Variants in DNAH12 observed in about 807,000 individuals in gnomAD.
The protein encoded by DNAH12 is dynein axonemal heavy chain 12, also known as axonemal beta dynein heavy chain 12.
DNAH12 carries 285 observed loss-of-function variants against 371.5 expected under a neutral mutation model. That is an observed-to-expected ratio of 0.77 (90% CI 0.70 to 0.85). DNAH12 has a LOEUF of 0.85. Ranked by LOEUF, DNAH12 falls within the 40% of genes least tolerant of loss-of-function variation. DNAH12 has a pLI of 0.00. For missense variants in DNAH12, 3,611 were observed against 3,689.4 expected, an observed-to-expected ratio of 0.98 and a Z score of 0.55; for synonymous variants, 1,200 against 1,213.0, an observed-to-expected ratio of 0.99 and a Z score of 0.22.
intron 66 of DNAH12, among the ~76,000 whole-genome samples, chr3:57,313,269 T>G (rs2061616902): frequency 1.3e-5 from 2 of 152,104 alleles, no homozygotes; most frequent in African/African-American, 4.8e-5. Context: ...CTCATGCCTG[T>G]AACCCAGCTT....
At chr3:57,428,237 C>A in intron 34 of DNAH12, 2 of 616,310 alleles carry the variant, frequency 3.2e-6, no homozygotes, top group Non-Finnish European at 2.4e-6. Context: ...GTAGCTTTAG[C>A]CATCAAGTTT....
intron 55 of DNAH12, among the ~76,000 whole-genome samples, chr3:57,370,360 C>T (rs2063145275): frequency 6.6e-6 from 1 of 152,186 alleles, no homozygotes; most frequent in Non-Finnish European, 1.5e-5. Context: ...GTGCTAAGTG[C>T]TTTCTCACAA....
intron 58 of DNAH12, among the ~76,000 whole-genome samples, chr3:57,363,337 T>C (rs1381006483): frequency 6.6e-6 from 1 of 152,200 alleles, no homozygotes; most frequent in Non-Finnish European, 1.5e-5. Flanking sequence ...ATAATAAATA[T>C]ATTTTAAAAC....
chr3:57,461,425 C>A (rs1031793190), intron 19 of DNAH12, 64 bp downstream of exon 19: 2 of 1,449,700 alleles, frequency 1.4e-6, no homozygotes, highest in Non-Finnish European at 1.9e-6. Flanking sequence ...ACCATGAGAG[C>A]GTATATGTAA....
chr3:57,361,478 C>G (rs2062935394), intron 58 of DNAH12, among the ~76,000 whole-genome samples: 1 of 108,216 alleles, frequency 9.2e-6, no homozygotes, highest in African/African-American at 4.6e-5. Flanking sequence ...ATATCTCATT[C>G]AGCTCTGTTA....
chr3:57,508,280 G>A, intron 7 of DNAH12, 102 bp downstream of exon 7: 24 of 1,097,612 alleles, frequency 2.2e-5, no homozygotes, highest in South Asian at 1.6e-4. Flanking sequence ...AAAATCTAGA[G>A]AAAAGTGTTG....
At chr3:57,307,837 C>T (rs931680826) in intron 69 of DNAH12, among the ~76,000 whole-genome samples, 1 of 152,174 alleles carries the variant, frequency 6.6e-6, no homozygotes, top group African/African-American at 2.4e-5. Context: ...TCCTGTTCCT[C>T]ACCCTGATCA....
chr3:57,376,725 T>C (rs1270023120), intron 53 of DNAH12, among the ~76,000 whole-genome samples: 1 of 152,164 alleles, frequency 6.6e-6, no homozygotes, highest in Non-Finnish European at 1.5e-5. Flanking sequence ...AACAACTACA[T>C]ACTTACCACT....
chr3:57,347,992 A>G (rs1367091775), intron 60 of DNAH12, among the ~76,000 whole-genome samples: 1 of 152,220 alleles, frequency 6.6e-6, no homozygotes, highest in African/African-American at 2.4e-5. Context: ...CTCTTACCAT[A>G]CAATCCAGCT....
rs2067892272 is a variant in DNAH12 at position 57,509,229 on chromosome 3, T to C, written c.470-17A>G. 2 of 1,597,730 alleles carry C rather than the reference T, an allele frequency of 1.3e-6. No individual in the cohort carries two copies. The highest frequency in any genetic ancestry group is 8.5e-7 in the Non-Finnish European group (1 of 1,172,826). On this transcript the variant is annotated splice_polypyrimidine_tract_variant and intron_variant, in intron 5 of 73. Transcript: ENST00000495027. ...CGCTCTGCACTAAAATACATGGATA[T>C]ATTAATGCTTCTTGAAAATCTCTGC...
chr3:57,499,452 T>C (rs1457536662), intron 11 of DNAH12, among the ~76,000 whole-genome samples: 3 of 150,470 alleles, frequency 2.0e-5, no homozygotes, highest in East Asian at 1.9e-4. Context: ...CAAATAAATA[T>C]AGCAAAATCC....
In DNAH12 at chr3:57,392,929, C is replaced by G. The variant is rs1303902905; in HGVS notation, c.7111-863G>C. ...TCTCCTATAAATCAGGAGAGTACCA[C>G]TAATTTACAGCCTTGGTCACATCTC... On this transcript the variant is annotated intron_variant, in intron 44 of 73. Transcript: ENST00000495027. Among the ~76,000 whole-genome samples the G allele has an allele frequency of 3.9e-5, 6 of 152,264 alleles. No individual in the cohort carries two copies. In the South Asian group the frequency reaches 1.2e-3, roughly 32 times the overall value.
intron 65 of DNAH12, among the ~76,000 whole-genome samples, chr3:57,319,798 T>C (rs1363603491): frequency 6.6e-6 from 1 of 151,804 alleles, no homozygotes. Context: ...TTGGCTAGGC[T>C]GGTCTTGAAC....
At chr3:57,328,031 T>C (rs988276102) in intron 62 of DNAH12, among the ~76,000 whole-genome samples, 4 of 151,416 alleles carry the variant, frequency 2.6e-5, no homozygotes, top group Non-Finnish European at 5.9e-5. Context: ...AATCTCTGAA[T>C]AGACCAACAA....
intron 60 of DNAH12, among the ~76,000 whole-genome samples, chr3:57,348,583 T>C (rs1553658974): frequency 6.6e-6 from 1 of 152,112 alleles, no homozygotes; most frequent in African/African-American, 2.4e-5. Flanking sequence ...GTGCAGGAGG[T>C]TGTACATAAG....
chr3:57,303,106 G>A (rs1323813436), intron 69 of DNAH12, among the ~76,000 whole-genome samples: 2 of 151,412 alleles, frequency 1.3e-5, no homozygotes, highest in South Asian at 2.1e-4. Flanking sequence ...TGGAGAGGCC[G>A]ACGCGGGTGC....
chr3:57,411,888 AAAAC>A (rs1452542254), intron 39 of DNAH12, among the ~76,000 whole-genome samples: 1 of 152,186 alleles, frequency 6.6e-6, no homozygotes, highest in Non-Finnish European at 1.5e-5. Flanking sequence ...TTGAAAGAGA[AAAAC>A]AAAGTCAGAG....
At chr3:57,381,640 C>A (rs2063393002) in intron 50 of DNAH12, among the ~76,000 whole-genome samples, 1 of 151,864 alleles carries the variant, frequency 6.6e-6, no homozygotes, top group African/African-American at 2.4e-5. Flanking sequence ...ATACCTTAAC[C>A]AAGGTCACAC....
Position 57,485,813 on chromosome 3 carries a change from C to T in DNAH12, c.1515-2302G>A, listed in dbSNP as rs531714678. On this transcript the variant is annotated intron_variant, in intron 12 of 73. Transcript: ENST00000495027. ...TGCAAAAGAGTAATATAATGGACTTCGGGGACTCGGTGTGGGGAAGGCTGA... is the reference window on the plus strand; with the variant it reads ...TGCAAAAGAGTAATATAATGGACTTTGGGGACTCGGTGTGGGGAAGGCTGA... Among the ~76,000 whole-genome samples, 183 of 152,114 alleles carry T rather than the reference C, an allele frequency of 1.2e-3. 1 individual carries two copies. The highest frequency in any genetic ancestry group is 4.0e-3 in the African/African-American group (165 of 41,468).
Sources: allele counts gnomAD v4.1 joint callset (sites outside exome capture counted in the v4.1 genomes callset), GRCh38; gene constraint gnomAD v4.1.1; transcripts MANE v1.5; gene names NCBI Gene and HGNC (gene_info 2026-07-23, HGNC 2026-07-21).